Variants in ZBTB20 observed in about 807,000 individuals in gnomAD.
ZBTB20 encodes the protein zinc finger and BTB domain containing 20, also known as zinc finger and BTB domain-containing protein 20.
ZBTB20 carries 9 observed loss-of-function variants against 56.9 expected under a neutral mutation model. The observed-to-expected ratio is 0.16, with a 90% CI of 0.10 to 0.28. The LOEUF is 0.28. ZBTB20 is among the 10% of genes least tolerant of loss of function. The pLI is 1.00. For synonymous variants in ZBTB20, 417 were observed against 420.7 expected, an observed-to-expected ratio of 0.99 and a Z score of 0.11; for missense variants, 655 against 1,003.0, an observed-to-expected ratio of 0.65 and a Z score of 4.69.
intron 7 of ZBTB20, among the ~76,000 whole-genome samples, chr3:114,419,926 G>A (rs750925985): frequency 6.6e-6 from 1 of 152,102 alleles, no homozygotes; most frequent in Non-Finnish European, 1.5e-5. Context: ...TGAGGGGAGG[G>A]GAACTGGGTG....
At chr3:114,367,428 G>A (rs1420754284) in intron 10 of ZBTB20, among the ~76,000 whole-genome samples, 3 of 152,034 alleles carry the variant, frequency 2.0e-5, no homozygotes, top group African/African-American at 4.8e-5. Flanking sequence ...ACTATGCCCC[G>A]CTAACTGTTT....
chr3:114,919,923 A>G (rs977664697), intron 3 of ZBTB20, among the ~76,000 whole-genome samples: 2 of 152,228 alleles, frequency 1.3e-5, no homozygotes, highest in Non-Finnish European at 2.9e-5. Context: ...AAGTGAAGAC[A>G]TGAGAAAAGA....
intron 2 of ZBTB20, among the ~76,000 whole-genome samples, chr3:114,995,498 G>A (rs2078987889): frequency 6.6e-6 from 1 of 151,716 alleles, no homozygotes; most frequent in Admixed American, 6.6e-5. Context: ...ATTCAGAGTA[G>A]TCTTAACATT....
At chr3:114,702,194 A>T (rs943201010) in intron 5 of ZBTB20, among the ~76,000 whole-genome samples, 3 of 152,010 alleles carry the variant, frequency 2.0e-5, no homozygotes, top group Non-Finnish European at 4.4e-5. Flanking sequence ...TGAAAAAAAA[A>T]TTAGCAGGCA....
intron 2 of ZBTB20, among the ~76,000 whole-genome samples, chr3:115,009,565 T>C (rs6805626): frequency 0.95 from 144,757 of 151,958 alleles, 69,056 homozygotes; most frequent in East Asian, 1. Context: ...CTTCCTGAGA[T>C]GACTAGGTAT....
At position 114,319,489 on chromosome 3, in the gene ZBTB20, T is replaced by C. The variant is rs2078814811; in HGVS notation, c.*19516A>G. The stretch of plus-strand genomic sequence containing the variant: ...AAACCAGAAAAAAACCAGCAAACAT[T>C]AAACAAATGATAGAGTCAGTTGGCT... On this transcript the variant is annotated 3_prime_UTR_variant, in exon 12 of 12. Coordinates refer to ENST00000675478, the MANE Select transcript of ZBTB20 (RefSeq NM_001348800.3). 6.6e-6 allele frequency: 1 copy of C among 152,158 alleles called. No homozygotes were observed. Among genetic ancestry groups the C allele is most frequent in the Non-Finnish European group, 1.5e-5 (1 of 68,018 alleles). The allele number at this position is 152,158 out of a possible 1,614,324, so 9.4% of individuals were successfully genotyped here. A position where few individuals can be genotyped will look rare whatever the true frequency, so the allele number is the denominator to read the frequency against.
chr3:115,069,702 TAAC>T (rs1445483719), intron 2 of ZBTB20, among the ~76,000 whole-genome samples: 1 of 152,140 alleles, frequency 6.6e-6, no homozygotes, highest in Non-Finnish European at 1.5e-5. Flanking sequence ...CAATGATCCA[TAAC>T]ATTATATTTG....
At chr3:114,457,428 G>A (rs2092087034) in intron 7 of ZBTB20, among the ~76,000 whole-genome samples, 1 of 152,124 alleles carries the variant, frequency 6.6e-6, no homozygotes, top group African/African-American at 2.4e-5. Context: ...AAAGCATGTA[G>A]GTTCAAGACA....
intron 6 of ZBTB20, among the ~76,000 whole-genome samples, chr3:114,629,573 C>T (rs7649707): frequency 0.11 from 16,037 of 152,078 alleles, 1,065 homozygotes; most frequent in African/African-American, 0.18. Context: ...CTTTTCAGTG[C>T]AGCAGCAAAT....
intron 4 of ZBTB20, among the ~76,000 whole-genome samples, chr3:114,885,225 A>G (rs567144403): frequency 6.6e-6 from 1 of 152,318 alleles, no homozygotes; most frequent in East Asian, 1.9e-4. Context: ...ACTCTAATAC[A>G]CACAAACCTT....
chr3:114,985,569 T>C (rs1404168057), intron 2 of ZBTB20, among the ~76,000 whole-genome samples: 1 of 152,126 alleles, frequency 6.6e-6, no homozygotes, highest in African/African-American at 2.4e-5. Context: ...TTATGTCCTT[T>C]TATGATGTCA....
chr3:114,449,219 A>C (rs1055047058), intron 7 of ZBTB20, among the ~76,000 whole-genome samples: 3 of 152,192 alleles, frequency 2.0e-5, no homozygotes, highest in Non-Finnish European at 4.4e-5. Context: ...TTCAGTTCTC[A>C]AAAAACGGCT....
At chr3:114,661,165 T>A (rs777959296) in intron 6 of ZBTB20, among the ~76,000 whole-genome samples, 2 of 152,096 alleles carry the variant, frequency 1.3e-5, no homozygotes, top group African/African-American at 2.4e-5. Flanking sequence ...TAATTCTTTG[T>A]CCCTTTGATC....
At chr3:114,943,670 C>A (rs1428669217) in intron 3 of ZBTB20, among the ~76,000 whole-genome samples, 2 of 144,020 alleles carry the variant, frequency 1.4e-5, no homozygotes, top group Non-Finnish European at 3.0e-5. Context: ...CAGAATAAAA[C>A]AAAGAGAGAA....
intron 1 of ZBTB20, among the ~76,000 whole-genome samples, chr3:115,138,531 G>A (rs552296320): frequency 3.9e-5 from 6 of 152,072 alleles, no homozygotes; most frequent in Non-Finnish European, 8.8e-5. Flanking sequence ...AGTTAAAATC[G>A]TCCCAGAATA....
chr3:114,439,281 A>G (rs974835880), intron 7 of ZBTB20, among the ~76,000 whole-genome samples: 7 of 152,158 alleles, frequency 4.6e-5, no homozygotes, highest in African/African-American at 7.2e-5. Context: ...TACCTTGAGT[A>G]GGTCTTGGGT....
chr3:115,089,070 C>T (rs1237618046), intron 1 of ZBTB20, among the ~76,000 whole-genome samples: 1 of 151,728 alleles, frequency 6.6e-6, no homozygotes, highest in Non-Finnish European at 1.5e-5. Flanking sequence ...TGGTTTGTTC[C>T]CTACAAAGGA....
At chr3:114,832,060 G>A (rs1359215277) in intron 4 of ZBTB20, among the ~76,000 whole-genome samples, 1 of 152,044 alleles carries the variant, frequency 6.6e-6, no homozygotes, top group Non-Finnish European at 1.5e-5. Flanking sequence ...AGAGTCTATA[G>A]ACAGGTCTGA....
chr3:114,947,811 T>C (rs1198162820), intron 3 of ZBTB20, among the ~76,000 whole-genome samples: 1 of 145,486 alleles, frequency 6.9e-6, no homozygotes, highest in Admixed American at 6.6e-5. Flanking sequence ...AAATAAAAGA[T>C]AAAATAAAAA....
Sources: gnomAD v4.1 joint callset for allele counts (sites outside exome capture counted in the v4.1 genomes callset) on GRCh38, gnomAD v4.1.1 for gene constraint, MANE v1.5 for transcripts, NCBI Gene and HGNC (gene_info 2026-07-23, HGNC 2026-07-21) for gene names.